Variants in LEPR observed in about 807,000 individuals in gnomAD.
LEPR encodes the protein OB receptor.
In LEPR, 56 loss-of-function variants were observed where a neutral mutation model predicts 114.7. The ratio of observed to expected loss-of-function variants is 0.49; its 90% CI spans 0.39 to 0.61. The LOEUF (loss-of-function observed/expected upper bound fraction) is 0.61. LEPR is among the 20% of genes least tolerant of loss of function. LEPR has a pLI of 0.00. For synonymous variants in LEPR, 443 were observed against 461.4 expected, an observed-to-expected ratio of 0.96 and a Z score of 0.51; for missense variants, 1,202 against 1,352.9, an observed-to-expected ratio of 0.89 and a Z score of 1.75.
At chr1:65,515,948 A>T (rs969157023) in intron 2 of LEPR, among the ~76,000 whole-genome samples, 1 of 152,210 alleles carries the variant, frequency 6.6e-6, no homozygotes, top group Non-Finnish European at 1.5e-5. Context: ...TGAAACTCAG[A>T]TTCTCCTGAT....
At chr1:65,429,257 A>G (rs75465244) in intron 2 of LEPR, among the ~76,000 whole-genome samples, 16,588 of 152,188 alleles carry the variant, frequency 0.11, 1,074 homozygotes, top group African/African-American at 0.17. Flanking sequence ...GGGGAAGGAC[A>G]TTGCAAGCAG....
chr1:65,541,683 G>A (rs972110901), intron 2 of LEPR, among the ~76,000 whole-genome samples: 11 of 152,262 alleles, frequency 7.2e-5, no homozygotes, highest in African/African-American at 2.6e-4. Context: ...GATACTTGAA[G>A]AAATAGTGTT....
intron 2 of LEPR, among the ~76,000 whole-genome samples, chr1:65,428,257 T>C (rs1336186224): frequency 1.3e-5 from 2 of 152,206 alleles, no homozygotes; most frequent in Non-Finnish European, 2.9e-5. Context: ...TAGTTGGATA[T>C]CGGTGGCTTA....
chr1:65,601,385 A>G lies in LEPR; in HGVS notation c.995-7A>G. ...TTCATCTGATATCCTTTCTTCCCTC[A>G]TTACAGATGTCATATACTTTCCACC... On this transcript the variant is annotated splice_polypyrimidine_tract_variant and splice_region_variant and intron_variant, in intron 8 of 19. Coordinates refer to ENST00000349533, the MANE Select transcript of LEPR (RefSeq NM_002303.6). 1.2e-6 allele frequency: 2 copies of G among 1,611,778 alleles called. No individual in the cohort carries two copies. Among genetic ancestry groups the G allele is most frequent in the Non-Finnish European group, 1.7e-6 (2 of 1,179,406 alleles).
chr1:65,528,254 A>G (rs1376436750), intron 2 of LEPR, among the ~76,000 whole-genome samples: 1 of 151,936 alleles, frequency 6.6e-6, no homozygotes, highest in Non-Finnish European at 1.5e-5. Context: ...TGTCCTGTGG[A>G]GTTAAAAATG....
intron 2 of LEPR, among the ~76,000 whole-genome samples, chr1:65,469,982 C>T (rs1244326953): frequency 6.6e-6 from 1 of 151,610 alleles, no homozygotes; most frequent in African/African-American, 2.4e-5. Flanking sequence ...GGGAAGCCTT[C>T]TAAAGCGTGG....
intron 2 of LEPR, among the ~76,000 whole-genome samples, chr1:65,542,996 C>G (rs1018067495): frequency 6.6e-6 from 1 of 151,934 alleles, no homozygotes; most frequent in African/African-American, 2.4e-5. Context: ...ATTGCTGGGT[C>G]AAATGGTATT....
At chr1:65,588,488 A>G (rs1405664870) in intron 5 of LEPR, among the ~76,000 whole-genome samples, 2 of 152,056 alleles carry the variant, frequency 1.3e-5, no homozygotes, top group Non-Finnish European at 2.9e-5. Flanking sequence ...AATCACTCAT[A>G]AAACCATCAG....
intron 15 of LEPR, 72 bp downstream of exon 15, chr1:65,616,296 A>T: frequency 6.8e-7 from 1 of 1,478,948 alleles, no homozygotes; most frequent in Non-Finnish European, 9.3e-7. Context: ...TCCTATTTTA[A>T]ATTATCTTTC....
chr1:65,590,226 A>G (rs952009337), intron 5 of LEPR, among the ~76,000 whole-genome samples: 2 of 150,914 alleles, frequency 1.3e-5, no homozygotes, highest in African/African-American at 4.9e-5. Context: ...CAGTTATCCA[A>G]TATAAATTCA....
At chr1:65,629,643 A>T in intron 19 of LEPR, among the ~76,000 whole-genome samples, 1 of 148,872 alleles carries the variant, frequency 6.7e-6, no homozygotes, top group South Asian at 2.1e-4. Context: ...TCCTCCCTCC[A>T]TTCTTTCATC....
intron 2 of LEPR, among the ~76,000 whole-genome samples, chr1:65,456,103 C>A (rs912828020): frequency 1.3e-5 from 2 of 152,180 alleles, no homozygotes; most frequent in African/African-American, 2.4e-5. Context: ...TGACCCCTTG[C>A]GCTTCCCGAG....
intron 15 of LEPR, 121 bp from the exon 16 acceptor site, chr1:65,617,843 T>A (rs1336633281): frequency 1.1e-6 from 1 of 939,442 alleles, no homozygotes; most frequent in Admixed American, 2.8e-5. Flanking sequence ...TCATATTTAT[T>A]TGTGTAAATT....
chr1:65,432,092 C>G (rs1303183116), intron 2 of LEPR: 1 of 1,310,194 alleles, frequency 7.6e-7, no homozygotes, highest in African/African-American at 1.5e-5. Flanking sequence ...TTATTCTCAG[C>G]AAATAGACCT....
intron 2 of LEPR, among the ~76,000 whole-genome samples, chr1:65,546,113 G>GT (rs1331474055): frequency 6.6e-6 from 1 of 152,134 alleles, no homozygotes; most frequent in Non-Finnish European, 1.5e-5. Flanking sequence ...AGATCAGATA[G>GT]TTGTAGATAT....
At chr1:65,526,787 C>T (rs958497067) in intron 2 of LEPR, among the ~76,000 whole-genome samples, 12 of 152,088 alleles carry the variant, frequency 7.9e-5, no homozygotes, top group Non-Finnish European at 1.8e-4. Context: ...TTGAGAATAT[C>T]TAAGGTATGC....
intron 10 of LEPR, 85 bp from the exon 11 acceptor site, chr1:65,604,953 T>C (rs1469596760): frequency 4.0e-5 from 63 of 1,559,802 alleles, no homozygotes; most frequent in Admixed American, 5.2e-5. Flanking sequence ...GGACTGCTGT[T>C]TTAAACAACA....
At chr1:65,554,841 G>A (rs1652698688) in intron 2 of LEPR, among the ~76,000 whole-genome samples, 2 of 152,248 alleles carry the variant, frequency 1.3e-5, no homozygotes, top group South Asian at 4.2e-4. Flanking sequence ...CCCTGGTGGT[G>A]TAGGCACCCG....
chr1:65,606,378 C>A (rs529543365), intron 11 of LEPR, among the ~76,000 whole-genome samples: 1 of 152,044 alleles, frequency 6.6e-6, no homozygotes, highest in African/African-American at 2.4e-5. Flanking sequence ...ACTTGAATAA[C>A]CTATGGTGTT....
Sources: gnomAD v4.1 joint callset for allele counts (sites outside exome capture counted in the v4.1 genomes callset) on GRCh38, gnomAD v4.1.1 for gene constraint, MANE v1.5 for transcripts, NCBI Gene and HGNC (gene_info 2026-07-23, HGNC 2026-07-21) for gene names.